Variants in STOM observed in about 807,000 individuals in gnomAD.
STOM encodes the protein erythrocyte band 7 integral membrane protein.
Under a neutral mutation model 30.6 loss-of-function variants are expected in STOM, and 25 were observed. The ratio of observed to expected loss-of-function variants is 0.82; its 90% CI spans 0.60 to 1.14. The LOEUF (loss-of-function observed/expected upper bound fraction) is 1.14. Among genes scored for constraint, STOM ranks in the 50% most tolerant of loss-of-function variants. The pLI is 0.00. For missense variants in STOM, 292 were observed against 365.2 expected, an observed-to-expected ratio of 0.80 and a Z score of 1.63; for synonymous variants, 118 against 130.8, an observed-to-expected ratio of 0.90 and a Z score of 0.67.
At chr9:121,357,754 A>AAAAT (rs1290893292) in intron 1 of STOM, among the ~76,000 whole-genome samples, 1 of 152,136 alleles carries the variant, frequency 6.6e-6, no homozygotes, top group South Asian at 2.1e-4. Flanking sequence ...CATATTTTTA[A>AAAAT]AAATAAATAA....
chr9:121,370,071 C>T, intron 1 of STOM, 56 bp downstream of exon 1: 2 of 1,478,016 alleles, frequency 1.4e-6, no homozygotes, highest in Non-Finnish European at 1.8e-6. Flanking sequence ...CCTCGGAGCG[C>T]ACGCTGCGGG....
chr9:121,345,929 T>C (rs560030324), intron 6 of STOM, among the ~76,000 whole-genome samples: 2 of 152,280 alleles, frequency 1.3e-5, no homozygotes, highest in African/African-American at 4.8e-5. Context: ...ATTTTTCCTT[T>C]GAATAGTGGG....
At position 121,356,177 on chromosome 9, in the gene STOM, A is replaced by C. The variant is rs761097217; in HGVS notation, c.62-21T>G. The C allele has an allele frequency of 1.0e-5, 16 of 1,576,176 alleles. No individual in the cohort carries two copies. In the Admixed American group the frequency reaches 2.7e-4, roughly 27 times the overall value. On this transcript the variant is annotated intron_variant, in intron 1 of 6. Transcript: ENST00000286713. ...GCTGTCTGTTGAAAACAAAAAATAT[A>C]CAACTCTCACAACTGTTACTAGCAT...
chr9:121,363,641 G>A (rs1287757510), intron 1 of STOM, among the ~76,000 whole-genome samples: 1 of 152,092 alleles, frequency 6.6e-6, no homozygotes, highest in Admixed American at 6.5e-5. Context: ...GTATTCTTTT[G>A]CCTTTTTAAA....
chr9:121,343,006 C>T (rs1408599122), intron 6 of STOM, among the ~76,000 whole-genome samples: 1 of 152,114 alleles, frequency 6.6e-6, no homozygotes, highest in Non-Finnish European at 1.5e-5. Flanking sequence ...AGCAGACTAA[C>T]ATGTACTTCA....
In STOM at chr9:121,339,904, T is replaced by A. The variant is rs41273434; in HGVS notation, c.*1298A>T. On this transcript the variant is annotated 3_prime_UTR_variant, in exon 7 of 7. Transcript: ENST00000286713. ...ATCATTAGACACTATATAGTCAATA[T>A]ACTGTGAATTCCTTATACTATGTAA... 2.7e-6 allele frequency: 3 copies of A among 1,097,878 alleles called. No individual in the cohort carries two copies. Among genetic ancestry groups the A allele is most frequent in the Non-Finnish European group, 3.3e-6 (3 of 903,696 alleles). 68.0% of individuals were successfully genotyped at this position (1,097,878 alleles called of 1,614,324 possible). A position where few individuals can be genotyped will look rare whatever the true frequency, so the allele number is the denominator to read the frequency against.
chr9:121,341,917 T>C (rs113441503), intron 6 of STOM, among the ~76,000 whole-genome samples: 16 of 152,328 alleles, frequency 1.1e-4, no homozygotes, highest in African/African-American at 3.1e-4. Context: ...TCTACTTATT[T>C]ATGTAAATAA....
intron 1 of STOM, among the ~76,000 whole-genome samples, chr9:121,356,588 C>T (rs745535452): frequency 2.0e-5 from 3 of 152,096 alleles, no homozygotes; most frequent in Admixed American, 1.3e-4. Flanking sequence ...AGTTAACTCA[C>T]GCAGTTAGGA....
chr9:121,368,864 C>T (rs1198903097), intron 1 of STOM, among the ~76,000 whole-genome samples: 3 of 149,140 alleles, frequency 2.0e-5, no homozygotes, highest in South Asian at 2.1e-4. Context: ...CACTTGAACT[C>T]GGGAGGCGGA....
At chr9:121,343,001 A>G (rs2064260186) in intron 6 of STOM, among the ~76,000 whole-genome samples, 1 of 152,200 alleles carries the variant, frequency 6.6e-6, no homozygotes, top group Non-Finnish European at 1.5e-5. Context: ...CTTAAAGCAG[A>G]CTAACATGTA....
At chr9:121,366,331 G>T (rs1186223925) in intron 1 of STOM, 12 of 826,854 alleles carry the variant, frequency 1.5e-5, no homozygotes, top group Non-Finnish European at 1.8e-5. Flanking sequence ...TAATTGAAAT[G>T]ATCTATTTTA....
chr9:121,353,654 C>T lies in STOM; in HGVS notation c.239-352G>A, dbSNP rs193172669. Among the ~76,000 whole-genome samples the T allele has an allele frequency of 3.3e-5, 5 of 152,220 alleles. No homozygotes were observed. The East Asian group carries it at 9.7e-4, about 29-fold the overall frequency. The stretch of plus-strand genomic sequence containing the variant: ...AAGCCGAGCAATCCCCCCTAAAATA[C>T]AAACCCTCCCCCACGCATGGTCCTG... On this transcript the variant is annotated intron_variant, in intron 3 of 6. Coordinates refer to ENST00000286713, the MANE Select transcript of STOM (RefSeq NM_004099.6).
At chr9:121,357,423 TGA>T (rs1564631259) in intron 1 of STOM, among the ~76,000 whole-genome samples, 2 of 68,252 alleles carry the variant, frequency 2.9e-5, no homozygotes, top group East Asian at 2.7e-3. Flanking sequence ...TATTTTTAAA[TGA>T]TATATATATA....
At chr9:121,341,780 T>C (rs900332186) in intron 6 of STOM, among the ~76,000 whole-genome samples, 3 of 152,192 alleles carry the variant, frequency 2.0e-5, no homozygotes. Context: ...AGTACCTTAC[T>C]AAACTGAAAG....
chr9:121,349,375 T>TTCCTTACAGTTATGTTAA, intron 4 of STOM, 52 bp from the exon 5 acceptor site: 1 of 1,502,070 alleles, frequency 6.7e-7, no homozygotes, highest in Non-Finnish European at 9.3e-7. Flanking sequence ...TTTTTTAACA[T>TTCCTTACAGTTATGTTAA]AACTGTAAGG....
intron 1 of STOM, among the ~76,000 whole-genome samples, chr9:121,362,248 A>C (rs2064460677): frequency 6.6e-6 from 1 of 152,220 alleles, no homozygotes; most frequent in Non-Finnish European, 1.5e-5. Context: ...TAGCTCAACA[A>C]ACAGAAACAT....
intron 6 of STOM, among the ~76,000 whole-genome samples, chr9:121,342,793 A>G (rs1392859694): frequency 6.6e-6 from 1 of 152,228 alleles, no homozygotes; most frequent in Non-Finnish European, 1.5e-5. Context: ...TGCCGATTTA[A>G]AATGTTTGAT....
intron 4 of STOM, among the ~76,000 whole-genome samples, chr9:121,349,529 T>C (rs1345062179): frequency 2.6e-5 from 4 of 152,188 alleles, no homozygotes; most frequent in Admixed American, 2.6e-4. Context: ...TATTGAGATA[T>C]CACTCAACAG....
intron 1 of STOM, among the ~76,000 whole-genome samples, chr9:121,357,641 T>A (rs1224532856): frequency 6.6e-6 from 1 of 151,808 alleles, no homozygotes; most frequent in Non-Finnish European, 1.5e-5. Context: ...TTTCACCATG[T>A]TGGCCAGGCT....
Sources: gnomAD v4.1 joint callset for allele counts (sites outside exome capture counted in the v4.1 genomes callset) on GRCh38, gnomAD v4.1.1 for gene constraint, MANE v1.5 for transcripts, NCBI Gene and HGNC (gene_info 2026-07-23, HGNC 2026-07-21) for gene names.